SNRPD3: variants seen among roughly 807,000 people sequenced by gnomAD.
The protein encoded by SNRPD3 is small nuclear ribonucleoprotein D3 polypeptide.
For synonymous variants in SNRPD3, 66 were observed against 58.4 expected, an observed-to-expected ratio of 1.13 and a Z score of -0.59; for missense variants, 73 against 167.5, an observed-to-expected ratio of 0.44 and a Z score of 3.11.
chr22:24,570,297 C>G (rs1196996605), intron 3 of SNRPD3, among the ~76,000 whole-genome samples: 1 of 152,178 alleles, frequency 6.6e-6, no homozygotes, highest in Non-Finnish European at 1.5e-5. Context: ...CTTCTGAGGC[C>G]TAAAGTGCCC....
intron 3 of SNRPD3, among the ~76,000 whole-genome samples, 166 bp from the exon 4 acceptor site, chr22:24,571,750 T>TG (rs374082994): frequency 0.15 from 19,690 of 131,430 alleles, 1,351 homozygotes; most frequent in South Asian, 0.25. Flanking sequence ...TCTCAAAAAA[T>TG]AAAAAAAAAA....
chr22:24,560,114 T>G (rs2045119109), intron 2 of SNRPD3, among the ~76,000 whole-genome samples: 2 of 145,988 alleles, frequency 1.4e-5, no homozygotes, highest in African/African-American at 2.5e-5. Context: ...TTTTTTGAGA[T>G]GGAGCCTTGC....
chr22:24,561,248 T>A (rs867654401), intron 2 of SNRPD3, among the ~76,000 whole-genome samples: 1 of 151,682 alleles, frequency 6.6e-6, no homozygotes, highest in Non-Finnish European at 1.5e-5. Flanking sequence ...AATTTTTAAA[T>A]TTTTTTGTAG....
At chr22:24,555,758 G>C (rs1233018465), upstream of SNRPD3, 4 of 1,550,468 alleles carry the variant, frequency 2.6e-6, no homozygotes, top group Admixed American at 7.8e-5. Flanking sequence ...GTGCTTGGAA[G>C]TGTGAGCACC....
rs1489720138 is a variant in SNRPD3 at position 24,556,091 on chromosome 22, AG to A, written c.-19+24del. ...GAGCCGGTGAGGCTGGGGACGGGCG[AG>A]GGGAGGTCGAGGCGCCTGTGAGGGG... On this transcript the variant is annotated intron_variant, in intron 1 of 3. Transcript: ENST00000215829. The A allele has an allele frequency of 2.1e-5, 12 of 573,838 alleles. No individual in the cohort carries two copies. Among genetic ancestry groups the A allele is most frequent in the Non-Finnish European group, 3.7e-5 (12 of 322,170 alleles). 35.5% of individuals were successfully genotyped at this position (573,838 alleles called of 1,614,324 possible). A position where few individuals can be genotyped will look rare whatever the true frequency, so the allele number is the denominator to read the frequency against.
chr22:24,572,303 G>A lies in SNRPD3; in HGVS notation c.*326G>A, dbSNP rs916834190. Reference sequence around the variant, plus strand: ...CTGTTCCTGGCCAGTTGCAGGTTAAGCCCCAGAAAAGTTCACCTTGGAGAA... The same window carrying A: ...CTGTTCCTGGCCAGTTGCAGGTTAAACCCCAGAAAAGTTCACCTTGGAGAA... On this transcript the variant is annotated 3_prime_UTR_variant, in exon 4 of 4. Transcript: ENST00000215829. 2.7e-5 allele frequency: 16 copies of A among 601,074 alleles called. No individual in the cohort carries two copies. The highest frequency in any genetic ancestry group is 2.2e-4 in the African/African-American group (12 of 54,010). The allele number at this position is 601,074 out of a possible 1,614,324, so 37.2% of individuals were successfully genotyped here.
intron 3 of SNRPD3, among the ~76,000 whole-genome samples, chr22:24,568,550 A>T (rs985168324): frequency 6.8e-6 from 1 of 146,230 alleles, no homozygotes; most frequent in Non-Finnish European, 1.5e-5. Flanking sequence ...TTTATTTTTA[A>T]TTTTTTTTAA....
rs80036676 is a variant in SNRPD3 at position 24,573,711 on chromosome 22, C to A, written c.*1734C>A. On this transcript the variant is annotated 3_prime_UTR_variant, in exon 4 of 4. Transcript: ENST00000215829. ...GCTGTTAAGCTTTGTTAACCAAGAC[C>A]GCATCTCTACAAAAAATTGAAAAGT... 1.1e-3 allele frequency among the ~76,000 whole-genome samples: 172 copies of A among 152,250 alleles called. No individual in the cohort carries two copies. The highest frequency in any genetic ancestry group is 3.9e-3 in the African/African-American group (163 of 41,538).
intron 2 of SNRPD3, among the ~76,000 whole-genome samples, chr22:24,567,604 GGCATGGTGGCGCAT>G (rs1461747491): frequency 1.3e-5 from 2 of 152,052 alleles, no homozygotes; most frequent in Admixed American, 6.6e-5. Context: ...AAATTAGCCG[GGCATGGTGGCGCAT>G]GCCTGTAATC....
chr22:24,570,352 A>G (rs2045237857), intron 3 of SNRPD3, among the ~76,000 whole-genome samples: 1 of 152,222 alleles, frequency 6.6e-6, no homozygotes, highest in African/African-American at 2.4e-5. Context: ...AGGAGTTACG[A>G]GCTGGGAACC....
chr22:24,555,789 C>T, upstream of SNRPD3: 1 of 1,549,716 alleles, frequency 6.5e-7, no homozygotes, highest in Non-Finnish European at 8.7e-7. Context: ...CTTTGCCGGC[C>T]CCAAGGGTCG....
At chr22:24,569,637 A>G (rs952001105) in intron 3 of SNRPD3, among the ~76,000 whole-genome samples, 4 of 152,192 alleles carry the variant, frequency 2.6e-5, no homozygotes, top group African/African-American at 9.7e-5. Flanking sequence ...GTCCCACAAG[A>G]CAGCCCCTGC....
intron 2 of SNRPD3, among the ~76,000 whole-genome samples, chr22:24,559,255 T>C (rs2045109669): frequency 6.6e-6 from 1 of 152,202 alleles, no homozygotes; most frequent in Non-Finnish European, 1.5e-5. Context: ...GTTCCCTGAA[T>C]GCAGAGAAGT....
At chr22:24,570,560 G>A (rs1241479901) in intron 3 of SNRPD3, among the ~76,000 whole-genome samples, 2 of 152,078 alleles carry the variant, frequency 1.3e-5, no homozygotes, top group East Asian at 1.9e-4. Context: ...GCAGGTCCCT[G>A]TAGTCCCAGC....
In SNRPD3 at chr22:24,557,755, A is replaced by G. The variant is rs781310112; in HGVS notation, c.81A>G (p.Val27=). The G allele has an allele frequency of 7.4e-6, 12 of 1,611,142 alleles. No homozygotes were observed. In the East Asian group the frequency reaches 2.5e-4, roughly 33 times the overall value. ...CATGTGAGACGAACACCGGTGAGGT[A>G]TATCGGGGGAAGCTCATTGAAGCAG... ...IVTCETNTGE[V]YRGKLIEAED... Residue 27 remains valine (V), a synonymous_variant, in exon 2 of 4, where the codon GTA becomes GTG. Coordinates refer to ENST00000215829, the MANE Select transcript of SNRPD3 (RefSeq NM_004175.5).
intron 2 of SNRPD3, among the ~76,000 whole-genome samples, chr22:24,562,643 A>G (rs1346393679): frequency 6.6e-6 from 1 of 152,040 alleles, no homozygotes; most frequent in Non-Finnish European, 1.5e-5. Flanking sequence ...CCCACCCAGC[A>G]GTTCAGGCTG....
chr22:24,557,440 T>G (rs1484322672), intron 1 of SNRPD3, among the ~76,000 whole-genome samples: 1 of 151,794 alleles, frequency 6.6e-6, no homozygotes, highest in Admixed American at 6.6e-5. Flanking sequence ...CTTCTGTCCA[T>G]CCCATCATTC....
At chr22:24,571,495 T>C (rs1230450547) in intron 3 of SNRPD3, among the ~76,000 whole-genome samples, 2 of 152,074 alleles carry the variant, frequency 1.3e-5, no homozygotes, top group African/African-American at 4.8e-5. Flanking sequence ...TCCTGACACT[T>C]TGGGAGGCCG....
chr22:24,555,816 G>A (rs1279405472), upstream of SNRPD3: 8 of 1,546,854 alleles, frequency 5.2e-6, no homozygotes, highest in Admixed American at 2.0e-5. Flanking sequence ...CGGCCCCCGG[G>A]CCCAGTCATC....
Sources: gnomAD v4.1 joint callset for allele counts (sites outside exome capture counted in the v4.1 genomes callset) on GRCh38, gnomAD v4.1.1 for gene constraint, MANE v1.5 for transcripts, NCBI Gene and HGNC (gene_info 2026-07-23, HGNC 2026-07-21) for gene names.